The following OIT3 variants were observed in gnomAD, a reference collection of about 807,000 sequenced individuals.
The protein encoded by OIT3 is oncoprotein induced transcript 3.
Under a neutral mutation model 52.2 loss-of-function variants are expected in OIT3, and 41 were observed. The observed-to-expected ratio is 0.79, with a 90% CI of 0.61 to 1.02. OIT3 has a LOEUF of 1.02. OIT3 is among the 50% of genes least tolerant of loss of function. OIT3 has a pLI of 0.00. For synonymous variants in OIT3, 244 were observed against 276.9 expected, an observed-to-expected ratio of 0.88 and a Z score of 1.18; for missense variants, 634 against 715.5, an observed-to-expected ratio of 0.89 and a Z score of 1.30.
At chr10:72,927,331 G>A (rs954792597) in intron 7 of OIT3, among the ~76,000 whole-genome samples, 1 of 151,970 alleles carries the variant, frequency 6.6e-6, no homozygotes, top group Non-Finnish European at 1.5e-5. Context: ...GTAGAGATGG[G>A]GTTTCGCCGT....
chr10:72,919,693 C>CTGTTGAGA (rs1182795553), intron 6 of OIT3, among the ~76,000 whole-genome samples: 1 of 152,118 alleles, frequency 6.6e-6, no homozygotes, highest in Non-Finnish European at 1.5e-5. Flanking sequence ...TTTTCTGCAT[C>CTGTTGAGA]TGTTGAGATA....
intron 8 of OIT3, among the ~76,000 whole-genome samples, chr10:72,931,524 C>T (rs1846216249): frequency 6.6e-6 from 1 of 152,024 alleles, no homozygotes; most frequent in Non-Finnish European, 1.5e-5. Context: ...CCAAAACAGA[C>T]AAGGTGTATT....
intron 6 of OIT3, among the ~76,000 whole-genome samples, chr10:72,923,847 CA>C (rs1846142760): frequency 1.3e-5 from 2 of 152,120 alleles, no homozygotes; most frequent in Admixed American, 1.3e-4. Context: ...GTTGTCCAAA[CA>C]ACTGTCCAAA....
At chr10:72,899,193 C>T (rs1308924853) in intron 2 of OIT3, among the ~76,000 whole-genome samples, 155 bp downstream of exon 2, 1 of 152,184 alleles carries the variant, frequency 6.6e-6, no homozygotes, top group Admixed American at 6.5e-5. Flanking sequence ...TCTGAGATCT[C>T]TTCTTAGAAC....
At chr10:72,924,187 AACAG>A (rs745471259) in intron 6 of OIT3, 38 bp from the exon 7 acceptor site, 7 of 1,515,712 alleles carry the variant, frequency 4.6e-6, no homozygotes, top group South Asian at 1.3e-5. Context: ...TGTAGAAACA[AACAG>A]ACAATCTCTT....
In OIT3 at chr10:72,932,419, G is replaced by C; in HGVS notation, c.1533G>C (p.Gln511His). 1 of 1,614,246 alleles carries C rather than the reference G, an allele frequency of 6.2e-7. No homozygotes were observed. Among genetic ancestry groups the C allele is most frequent in the East Asian group, 2.2e-5 (1 of 44,884 alleles). ...GVLDERSRCAQGCHRRMRRGA... is the reference protein window; with the variant it reads ...GVLDERSRCAHGCHRRMRRGA... ...TGGACGAGCGTTCCCGCTGTGCCCA[G>C]GGTTGCCACCGGCGAATGCGTCGTG... The change falls in exon 9 of 9, where the codon CAG becomes CAC. Residue 511 changes from glutamine (Q) to histidine (H), a missense_variant. By Grantham distance (24) the Gln-to-His change is conservative. Coordinates refer to ENST00000334011, the MANE Select transcript of OIT3 (RefSeq NM_152635.3).
chr10:72,900,302 C>T (rs1395944305), intron 2 of OIT3, 75 bp from the exon 3 acceptor site: 24 of 809,738 alleles, frequency 3.0e-5, no homozygotes, highest in Non-Finnish European at 4.1e-6. Context: ...CGACCCCCCG[C>T]ACCATCTCTA....
intron 7 of OIT3, among the ~76,000 whole-genome samples, chr10:72,926,155 G>A (rs1170297102): frequency 6.6e-6 from 1 of 152,340 alleles, no homozygotes; most frequent in African/African-American, 2.4e-5. Context: ...AGGGAGAATG[G>A]TCCAGTACGA....
intron 7 of OIT3, among the ~76,000 whole-genome samples, chr10:72,927,085 C>T (rs1328075814): frequency 6.6e-6 from 1 of 152,072 alleles, no homozygotes; most frequent in Non-Finnish European, 1.5e-5. Context: ...GCTTGTGAAA[C>T]TTATTTATAT....
chr10:72,927,570 G>T (rs957973504), intron 7 of OIT3, among the ~76,000 whole-genome samples: 1 of 152,212 alleles, frequency 6.6e-6, no homozygotes, highest in African/African-American at 2.4e-5. Flanking sequence ...GAAAACCACA[G>T]CAGTGTGGCC....
chr10:72,906,534 G>T, intron 3 of OIT3, 62 bp from the exon 4 acceptor site: 1 of 1,599,674 alleles, frequency 6.3e-7, no homozygotes, highest in East Asian at 2.2e-5. Context: ...ATTCTGCCCG[G>T]GGGGTTGGGA....
At chr10:72,895,143 T>G (rs1221264078) in intron 1 of OIT3, among the ~76,000 whole-genome samples, 2 of 152,160 alleles carry the variant, frequency 1.3e-5, no homozygotes, top group Non-Finnish European at 2.9e-5. Context: ...GTATGTGGGA[T>G]CTCTTTGTCC....
At chr10:72,918,085 C>A (rs907526588) in intron 6 of OIT3, 17 of 1,258,670 alleles carry the variant, frequency 1.4e-5, no homozygotes, top group African/African-American at 2.9e-5. Flanking sequence ...TTCTGTGGAA[C>A]CTTGCTACCA....
At chr10:72,913,529 G>A in intron 6 of OIT3, 61 bp downstream of exon 6, 2 of 1,344,692 alleles carry the variant, frequency 1.5e-6, no homozygotes, top group East Asian at 2.3e-5. Context: ...GGGAGGCAGT[G>A]GACAGAGGTA....
intron 3 of OIT3, among the ~76,000 whole-genome samples, chr10:72,903,491 G>T (rs915435192): frequency 6.6e-6 from 1 of 152,184 alleles, no homozygotes; most frequent in Non-Finnish European, 1.5e-5. Flanking sequence ...GCCTCCCAAA[G>T]TGCTGGGATT....
chr10:72,894,182 C>CA lies in OIT3; in HGVS notation c.61+336dup, dbSNP rs201364848. ...ACTTTATAGTTCCAACTTGAAGAGC[C>CA]AAAAAAAAAAAAATTAAAGTTGAGC... On this transcript the variant is annotated intron_variant, in intron 1 of 8. Coordinates refer to ENST00000334011, the MANE Select transcript of OIT3 (RefSeq NM_152635.3). Among the ~76,000 whole-genome samples the CA allele has an allele frequency of 9.0e-3, 1,188 of 131,446 alleles. 13 individuals carry two copies. The highest frequency in any genetic ancestry group is 0.024 in the African/African-American group (848 of 35,380). The allele number at this position is 131,446 out of a possible 152,430, so 86.2% of individuals were successfully genotyped here.
intron 6 of OIT3, among the ~76,000 whole-genome samples, chr10:72,920,665 T>C (rs1228560266): frequency 6.6e-6 from 1 of 152,234 alleles, no homozygotes; most frequent in Non-Finnish European, 1.5e-5. Context: ...ACTTCTTGTT[T>C]TCTGCTTAAT....
rs764527932 is a variant in OIT3, at chr10:72,898,851, C to T, written c.249C>T (p.His83=). 19 of 1,614,040 alleles carry T rather than the reference C, an allele frequency of 1.2e-5. No individual in the cohort carries two copies. The highest frequency in any genetic ancestry group is 1.3e-5 in the African/African-American group (1 of 74,936). The change falls in exon 2 of 9, where the codon CAC becomes CAT. Residue 83 remains histidine (H), a synonymous_variant. Transcript: ENST00000334011. The part of the protein sequence containing the change: ...FCIPENHCGT[H]APVWLNGSHP... Reference sequence around the variant, plus strand: ...TACCAGAAAACCACTGTGGAACCCACGCACCTGTCTGGCTCAATGGCAGCC... The same window carrying T: ...TACCAGAAAACCACTGTGGAACCCATGCACCTGTCTGGCTCAATGGCAGCC...
At chr10:72,928,096 T>TTCA (rs1331584584) in intron 7 of OIT3, among the ~76,000 whole-genome samples, 1 of 152,202 alleles carries the variant, frequency 6.6e-6, no homozygotes, top group Non-Finnish European at 1.5e-5. Context: ...TCTTTGATTT[T>TTCA]TCATTGTCCT....
Sources: allele counts gnomAD v4.1 joint callset (sites outside exome capture counted in the v4.1 genomes callset), GRCh38; gene constraint gnomAD v4.1.1; transcripts MANE v1.5; gene names NCBI Gene and HGNC (gene_info 2026-07-23, HGNC 2026-07-21).